Variants in KCNN3 observed in about 807,000 individuals in gnomAD.
KCNN3 encodes the protein potassium calcium-activated channel subfamily N member 3.
In KCNN3, 16 loss-of-function variants were observed where a neutral mutation model predicts 62.9. The ratio of observed to expected loss-of-function variants is 0.25; its 90% CI spans 0.17 to 0.39. KCNN3 has a LOEUF of 0.39. KCNN3 is among the 10% of genes least tolerant of loss of function. The pLI is 1.00. For missense variants in KCNN3, 599 were observed against 949.4 expected (o/e 0.63, Z 4.85); for synonymous variants, 370 against 389.2 (o/e 0.95, Z 0.58).
chr1:154,789,356 T>C (rs2101860296), intron 2 of KCNN3, among the ~76,000 whole-genome samples: 1 of 152,244 alleles, frequency 6.6e-6, no homozygotes, highest in Middle Eastern at 3.4e-3. Flanking sequence ...AACCACATCC[T>C]GCAAAGTCCC....
intron 3 of KCNN3, among the ~76,000 whole-genome samples, chr1:154,771,071 A>G (rs1648536540): frequency 1.1e-5 from 1 of 90,868 alleles, no homozygotes; most frequent in African/African-American, 3.7e-5. Flanking sequence ...AAATAAATAA[A>G]TAAATAAATA....
intron 2 of KCNN3, among the ~76,000 whole-genome samples, chr1:154,780,194 C>CTTTTTTTTTTTTT (rs71077969): frequency 2.9e-5 from 3 of 102,064 alleles, no homozygotes; most frequent in Non-Finnish European, 1.9e-5. Flanking sequence ...TTCTTTTTTT[C>CTTTTTTTTTTTTT]TTTTTTTTTT....
intron 2 of KCNN3, among the ~76,000 whole-genome samples, chr1:154,789,780 C>T (rs561457833): frequency 3.8e-4 from 58 of 152,114 alleles, no homozygotes; most frequent in Non-Finnish European, 6.9e-4. Context: ...AAACCTGATG[C>T]GAGCTATGAA....
chr1:154,728,161 C>T (rs1390909649), intron 4 of KCNN3, among the ~76,000 whole-genome samples: 2 of 152,206 alleles, frequency 1.3e-5, no homozygotes, highest in African/African-American at 4.8e-5. Context: ...CTTGCCATGG[C>T]CCACATTTTA....
At chr1:154,801,847 C>A (rs1013347113) in intron 2 of KCNN3, among the ~76,000 whole-genome samples, 3 of 152,136 alleles carry the variant, frequency 2.0e-5, no homozygotes, top group Non-Finnish European at 2.9e-5. Context: ...GCTCTGTTTG[C>A]TGATGTCAGC....
Position 154,714,605 on chromosome 1 carries a change from GGTGTGTGGTGTGTGTGT to G in KCNN3, c.1829+254_1829+270del, listed in dbSNP as rs1312109995. ...GGTGTGTATGGTGTGTGTGATGTGT[GGTGTGTGGTGTGTGTGT>G]GTGTGTGTGTGTGTGTGTGTGTGTG... is the stretch of plus-strand genomic sequence containing the variant. On this transcript the variant is annotated intron_variant, in intron 6 of 7. Transcript: ENST00000271915. Among the ~76,000 whole-genome samples, 119 of 26,100 alleles carry G rather than the reference GGTGTGTGGTGTGTGTGT, an allele frequency of 4.6e-3. 5 individuals are homozygous for G. In the South Asian group the frequency reaches 0.15, roughly 33 times the overall value. The allele number at this position is 26,100 out of a possible 152,430, so 17.1% of individuals were successfully genotyped here.
intron 3 of KCNN3, among the ~76,000 whole-genome samples, chr1:154,757,747 G>A (rs550144155): frequency 1.7e-4 from 26 of 152,318 alleles, no homozygotes; most frequent in African/African-American, 5.8e-4. Flanking sequence ...GAGAGTGAGC[G>A]AGAGGGTGGA....
chr1:154,732,579 C>G (rs1700619537), intron 4 of KCNN3, among the ~76,000 whole-genome samples: 1 of 152,174 alleles, frequency 6.6e-6, no homozygotes, highest in Non-Finnish European at 1.5e-5. Context: ...TGAGTTCCAG[C>G]TAAACATGAT....
At chr1:154,838,650 C>T (rs537901301) in intron 1 of KCNN3, among the ~76,000 whole-genome samples, 2 of 152,330 alleles carry the variant, frequency 1.3e-5, no homozygotes, top group South Asian at 2.1e-4. Context: ...GCTCCGTTCT[C>T]GCCACTCCCA....
intron 2 of KCNN3, among the ~76,000 whole-genome samples, chr1:154,818,620 T>C (rs1650767531): frequency 6.6e-6 from 1 of 152,204 alleles, no homozygotes; most frequent in South Asian, 2.1e-4. Flanking sequence ...GCCTCCTGCC[T>C]TCCCTGCCTG....
At chr1:154,829,730 A>T (rs1464061104) in intron 1 of KCNN3, among the ~76,000 whole-genome samples, 1 of 152,106 alleles carries the variant, frequency 6.6e-6, no homozygotes, top group Non-Finnish European at 1.5e-5. Context: ...CCCATCCCTG[A>T]ACGGGGTCCA....
At chr1:154,830,376 C>T (rs1433216860) in intron 1 of KCNN3, among the ~76,000 whole-genome samples, 1 of 152,190 alleles carries the variant, frequency 6.6e-6, no homozygotes, top group Non-Finnish European at 1.5e-5. Flanking sequence ...CAGAGGGAAC[C>T]TCAGGAAGAC....
chr1:154,849,633 T>C (rs1652226909), intron 1 of KCNN3, among the ~76,000 whole-genome samples: 1 of 152,236 alleles, frequency 6.6e-6, no homozygotes, highest in Non-Finnish European at 1.5e-5. Flanking sequence ...TGCTGACTCC[T>C]GGACCAGGCT....
Position 154,853,908 on chromosome 1 carries a change from C to T in KCNN3, c.933+15124G>A, listed in dbSNP as rs561192511. Among the ~76,000 whole-genome samples the T allele has an allele frequency of 4.0e-5, 6 of 150,434 alleles. No homozygotes were observed. In the East Asian group the frequency reaches 1.2e-3, roughly 30 times the overall value. On this transcript the variant is annotated intron_variant, in intron 1 of 7. Coordinates refer to ENST00000271915, the MANE Select transcript of KCNN3 (RefSeq NM_002249.6). ...GCAGTGAGCCGAGATCACGCCACTG[C>T]ACTCCAGTCTGGGTGACAGAGTGAG...
At position 154,705,374 on chromosome 1, in the gene KCNN3, G is replaced by T. The variant is rs1699947567; in HGVS notation, c.*2602C>A. 1 of 152,210 alleles carries T rather than the reference G, an allele frequency of 6.6e-6. No homozygotes were observed. Among genetic ancestry groups the T allele is most frequent in the Non-Finnish European group, 1.5e-5 (1 of 68,042 alleles). 9.4% of individuals were successfully genotyped at this position (152,210 alleles called of 1,614,324 possible). A position where few individuals can be genotyped will look rare whatever the true frequency, so the allele number is the denominator to read the frequency against. ...CCATTTGCTATTACAGGATCAATGT[G>T]CAGGTTTGATCACTTTTTTTTTGAA... On this transcript the variant is annotated 3_prime_UTR_variant, in exon 8 of 8. Transcript: ENST00000271915.
At chr1:154,814,355 A>T (rs1166251861) in intron 2 of KCNN3, among the ~76,000 whole-genome samples, 1 of 152,228 alleles carries the variant, frequency 6.6e-6, no homozygotes, top group African/African-American at 2.4e-5. Flanking sequence ...TCCAACAGTG[A>T]AACCAATACA....
At chr1:154,867,410 G>C (rs1176699863) in intron 1 of KCNN3, among the ~76,000 whole-genome samples, 1 of 152,170 alleles carries the variant, frequency 6.6e-6, no homozygotes, top group African/African-American at 2.4e-5. Context: ...CCCTCCGCTG[G>C]GGCAGCCCAC....
In KCNN3 at chr1:154,790,858, C is replaced by A. The variant is rs141748494; in HGVS notation, c.1030-18465G>T. ...TATACTGTACAGAATTTCAGGTTTGCAGGAGACAAGAGTTCTGGAGATTGT... is the reference window on the plus strand; with the variant it reads ...TATACTGTACAGAATTTCAGGTTTGAAGGAGACAAGAGTTCTGGAGATTGT... On this transcript the variant is annotated intron_variant, in intron 2 of 7. Coordinates refer to ENST00000271915, the MANE Select transcript of KCNN3 (RefSeq NM_002249.6). Among the ~76,000 whole-genome samples the A allele has an allele frequency of 1.8e-3, 271 of 152,278 alleles. 2 individuals are homozygous for A. The highest frequency in any genetic ancestry group is 2.3e-3 in the Non-Finnish European group (159 of 68,018).
intron 1 of KCNN3, among the ~76,000 whole-genome samples, chr1:154,845,635 C>G (rs1423542588): frequency 6.6e-6 from 1 of 152,080 alleles, no homozygotes; most frequent in East Asian, 1.9e-4. Context: ...GGCATGGGGC[C>G]CTGCAAGGGG....
Sources: allele counts gnomAD v4.1 joint callset (sites outside exome capture counted in the v4.1 genomes callset), GRCh38; gene constraint gnomAD v4.1.1; transcripts MANE v1.5; gene names NCBI Gene and HGNC (gene_info 2026-07-23, HGNC 2026-07-21).